ZBTB20: variants seen among roughly 807,000 people sequenced by gnomAD.
ZBTB20 encodes the protein zinc finger and BTB domain containing 20.
A neutral mutation model predicts 56.9 loss-of-function variants in ZBTB20; 9 were observed. The observed-to-expected ratio is 0.16, with a 90% CI of 0.10 to 0.28. The LOEUF is 0.28. ZBTB20 is among the 10% of genes least tolerant of loss of function. The pLI is 1.00. For synonymous variants in ZBTB20, 417 were observed against 420.7 expected (o/e 0.99, Z 0.11); for missense variants, 655 against 1,003.0 (o/e 0.65, Z 4.69).
intron 1 of ZBTB20, among the ~76,000 whole-genome samples, chr3:115,098,664 A>T (rs978211488): frequency 6.6e-6 from 1 of 152,160 alleles, no homozygotes; most frequent in African/African-American, 2.4e-5. Context: ...AGAGGTAAAA[A>T]AGTCTTTCAG....
chr3:114,341,060 C>T (rs2079723172), intron 11 of ZBTB20, among the ~76,000 whole-genome samples: 1 of 152,158 alleles, frequency 6.6e-6, no homozygotes, highest in African/African-American at 2.4e-5. Context: ...AACTTTCTCT[C>T]ATCAGGAATT....
Position 114,472,972 on chromosome 3 carries a change from A to C in ZBTB20, c.-255+27380T>G, listed in dbSNP as rs111811488. Among the ~76,000 whole-genome samples, 262 of 152,332 alleles carry C rather than the reference A, an allele frequency of 1.7e-3. 3 individuals carry two copies. Among genetic ancestry groups the C allele is most frequent in the African/African-American group, 6.0e-3 (249 of 41,578 alleles). ...CAACTGGCTCTTTTATTTCACGCTA[A>C]ACCTGTGCTGAGTCTGCACAGAAGG... On this transcript the variant is annotated intron_variant, in intron 7 of 11. Coordinates refer to ENST00000675478, the MANE Select transcript of ZBTB20 (RefSeq NM_001348800.3).
At chr3:114,654,117 G>A (rs1038292650) in intron 6 of ZBTB20, among the ~76,000 whole-genome samples, 2 of 151,420 alleles carry the variant, frequency 1.3e-5, no homozygotes, top group African/African-American at 4.8e-5. Flanking sequence ...TTCTGCCTTT[G>A]TTATTTGTTT....
intron 6 of ZBTB20, among the ~76,000 whole-genome samples, chr3:114,665,978 G>T (rs1372641989): frequency 1.3e-5 from 2 of 151,960 alleles, no homozygotes; most frequent in African/African-American, 4.8e-5. Flanking sequence ...CTCCAGCTGT[G>T]CCAATCTGGT....
At chr3:114,372,067 T>G (rs558056096) in intron 10 of ZBTB20, among the ~76,000 whole-genome samples, 4 of 152,210 alleles carry the variant, frequency 2.6e-5, no homozygotes, top group Non-Finnish European at 5.9e-5. Flanking sequence ...TTGCTCTCAA[T>G]CAATCCTAAA....
intron 7 of ZBTB20, among the ~76,000 whole-genome samples, chr3:114,478,980 G>C (rs1200019269): frequency 6.6e-6 from 1 of 152,020 alleles, no homozygotes; most frequent in Non-Finnish European, 1.5e-5. Flanking sequence ...AAATGTGCCA[G>C]CTCTAGCAAG....
intron 6 of ZBTB20, among the ~76,000 whole-genome samples, chr3:114,595,733 GTATTTGGTAAGCTCTCA>G (rs1320234362): frequency 6.6e-6 from 1 of 152,170 alleles, no homozygotes; most frequent in Non-Finnish European, 1.5e-5. Context: ...GATAAGACTG[GTATTTGGTAAGCTCTCA>G]TCTTTCCCAT....
chr3:114,538,986 T>C (rs34840162), intron 6 of ZBTB20, among the ~76,000 whole-genome samples: 9,752 of 152,216 alleles, frequency 0.064, 443 homozygotes, highest in Non-Finnish European at 0.1. Context: ...TTCCAGTCCT[T>C]GTCCAAGTTA....
intron 10 of ZBTB20, among the ~76,000 whole-genome samples, chr3:114,372,865 G>T (rs1219190601): frequency 6.6e-6 from 1 of 151,496 alleles, no homozygotes; most frequent in African/African-American, 2.4e-5. Flanking sequence ...AAAATAAAAA[G>T]AAAATTTATT....
intron 7 of ZBTB20, among the ~76,000 whole-genome samples, chr3:114,457,745 A>G (rs1370079795): frequency 6.6e-6 from 1 of 152,188 alleles, no homozygotes; most frequent in East Asian, 1.9e-4. Flanking sequence ...CGCATTTCAT[A>G]GAAAAGAAAA....
intron 3 of ZBTB20, among the ~76,000 whole-genome samples, chr3:114,921,935 A>G (rs530017792): frequency 6.6e-6 from 1 of 152,322 alleles, no homozygotes; most frequent in South Asian, 2.1e-4. Context: ...TTAGATGAAT[A>G]TAGATACAAA....
chr3:114,690,751 T>G (rs1000819517), intron 6 of ZBTB20, among the ~76,000 whole-genome samples: 3 of 152,018 alleles, frequency 2.0e-5, no homozygotes, highest in African/African-American at 7.2e-5. Flanking sequence ...ACCCATCACA[T>G]GTTTTCCATG....
intron 10 of ZBTB20, among the ~76,000 whole-genome samples, chr3:114,360,106 TAA>T (rs549101588): frequency 1.1e-4 from 16 of 139,840 alleles, no homozygotes; most frequent in Non-Finnish European, 1.1e-4. Context: ...ATAGTGTCAT[TAA>T]AAAAAAAAAA....
chr3:114,812,892 C>G (rs577541597), intron 4 of ZBTB20, among the ~76,000 whole-genome samples: 2 of 152,354 alleles, frequency 1.3e-5, no homozygotes, highest in Non-Finnish European at 2.9e-5. Flanking sequence ...CAGCTGCTGG[C>G]CCAGGTGCTA....
At chr3:114,953,282 CCAAAA>C (rs939802179) in intron 3 of ZBTB20, among the ~76,000 whole-genome samples, 1 of 150,944 alleles carries the variant, frequency 6.6e-6, no homozygotes, top group Admixed American at 6.6e-5. Context: ...TTCAAATAAC[CCAAAA>C]CAAAACAGAA....
At chr3:114,512,224 T>A (rs578078126) in intron 6 of ZBTB20, among the ~76,000 whole-genome samples, 1 of 152,268 alleles carries the variant, frequency 6.6e-6, no homozygotes, top group African/African-American at 2.4e-5. Flanking sequence ...TTGCTTTATG[T>A]CCTTGTTAAA....
In ZBTB20 at chr3:115,013,908, ATGTGTGTGTG is replaced by A. The variant is rs35762117; in HGVS notation, c.-506-39502_-506-39493del. On this transcript the variant is annotated intron_variant, in intron 2 of 11. Transcript: ENST00000675478. ...TACCATAAGATCCAGCAATCCCTAT[ATGTGTGTGTG>A]TGTGTGTGTGTGTGTACACTAAAAA... Among the ~76,000 whole-genome samples the A allele has an allele frequency of 4.7e-5, 7 of 147,852 alleles. No individual in the cohort carries two copies. The South Asian group carries it at 1.3e-3, about 27-fold the overall frequency.
intron 5 of ZBTB20, among the ~76,000 whole-genome samples, chr3:114,798,841 T>C (rs778565114): frequency 6.6e-6 from 1 of 152,002 alleles, no homozygotes; most frequent in Non-Finnish European, 1.5e-5. Context: ...AATTTCATCA[T>C]TTTAATATTG....
intron 6 of ZBTB20, among the ~76,000 whole-genome samples, chr3:114,677,067 A>G (rs1230409538): frequency 6.6e-6 from 1 of 152,040 alleles, no homozygotes; most frequent in Non-Finnish European, 1.5e-5. Flanking sequence ...CACTGTGCCC[A>G]GCCAACTAGG....
Sources: allele counts gnomAD v4.1 joint callset (sites outside exome capture counted in the v4.1 genomes callset), GRCh38; gene constraint gnomAD v4.1.1; transcripts MANE v1.5; gene names NCBI Gene and HGNC (gene_info 2026-07-23, HGNC 2026-07-21).